The following TMEM39A variants were observed in gnomAD, a reference collection of about 807,000 sequenced individuals.
The protein encoded by TMEM39A is suppressor of SQST-1 aggregates in rpl-43 mutants.
Under a neutral mutation model 51.9 loss-of-function variants are expected in TMEM39A, and 19 were observed. The ratio of observed to expected loss-of-function variants is 0.37; its 90% confidence interval spans 0.26 to 0.54. The LOEUF (loss-of-function observed/expected upper bound fraction) is 0.54. TMEM39A is among the 20% of genes least tolerant of loss of function. TMEM39A has a pLI of 0.88. For synonymous variants in TMEM39A, 197 were observed against 220.2 expected (o/e 0.89, Z 0.93); for missense variants, 433 against 590.5 (o/e 0.73, Z 2.76).
intron 5 of TMEM39A, among the ~76,000 whole-genome samples, chr3:119,439,806 C>T (rs2081026206): frequency 6.6e-6 from 1 of 151,646 alleles, no homozygotes; most frequent in Non-Finnish European, 1.5e-5. Context: ...CTTACTCTGT[C>T]ACCCAGACTG....
In TMEM39A at chr3:119,431,450, G is replaced by C; in HGVS notation, c.*531C>G. Reference sequence around the variant, plus strand: ...ATAGACCAGCTGAGTCCGTATCTTAGAAAGGAAGCCTACTGCTTTCTCCTG... The same window carrying C: ...ATAGACCAGCTGAGTCCGTATCTTACAAAGGAAGCCTACTGCTTTCTCCTG... On this transcript the variant is annotated 3_prime_UTR_variant, in exon 9 of 9. Coordinates refer to ENST00000319172, the MANE Select transcript of TMEM39A (RefSeq NM_018266.3). 6.6e-6 allele frequency: 1 copy of C among 152,226 alleles called. No homozygotes were observed. Among genetic ancestry groups the C allele is most frequent in the East Asian group, 1.9e-4 (1 of 5,206 alleles). 9.4% of individuals were successfully genotyped at this position (152,226 alleles called of 1,614,324 possible).
At chr3:119,451,848 A>G (rs2081204304) in intron 4 of TMEM39A, among the ~76,000 whole-genome samples, 1 of 151,246 alleles carries the variant, frequency 6.6e-6, no homozygotes, top group Non-Finnish European at 1.5e-5. Flanking sequence ...AAAAAAAAAA[A>G]AAAAGGAAAG....
chr3:119,456,147 TAGTG>T (rs942903877), intron 3 of TMEM39A, among the ~76,000 whole-genome samples: 30 of 152,232 alleles, frequency 2.0e-4, no homozygotes, highest in Middle Eastern at 3.2e-3. Context: ...ACTGTTAAGA[TAGTG>T]AGTATTTATT....
intron 5 of TMEM39A, among the ~76,000 whole-genome samples, chr3:119,445,484 C>T (rs1340026381): frequency 3.9e-5 from 6 of 152,138 alleles, no homozygotes; most frequent in Non-Finnish European, 8.8e-5. Context: ...AGGCTGGTCT[C>T]GAACTACTAA....
intron 4 of TMEM39A, among the ~76,000 whole-genome samples, chr3:119,449,281 A>G (rs887239970): frequency 1.3e-5 from 2 of 152,170 alleles, no homozygotes; most frequent in African/African-American, 4.8e-5. Flanking sequence ...ATATAGCAAA[A>G]TGTGGTCTTT....
intron 3 of TMEM39A, among the ~76,000 whole-genome samples, chr3:119,456,592 C>T (rs1213069872): frequency 6.6e-6 from 1 of 151,788 alleles, no homozygotes; most frequent in African/African-American, 2.4e-5. Context: ...TAGAGCCTAT[C>T]TCTATCACTC....
At chr3:119,436,601 G>C in intron 7 of TMEM39A, 190 bp downstream of exon 7, 1 of 578,810 alleles carries the variant, frequency 1.7e-6, no homozygotes, top group Non-Finnish European at 3.0e-6. Context: ...CGCATTTAAG[G>C]AGCTGGGGTG....
At chr3:119,445,050 C>T (rs896044229) in intron 5 of TMEM39A, among the ~76,000 whole-genome samples, 60 of 151,780 alleles carry the variant, frequency 4.0e-4, no homozygotes, top group African/African-American at 1.4e-3. Context: ...ACTGCACTCC[C>T]GCCTGGATGA....
At chr3:119,460,332 G>A (rs79600093) in intron 2 of TMEM39A, among the ~76,000 whole-genome samples, 20,103 of 151,864 alleles carry the variant, frequency 0.13, 1,425 homozygotes, top group South Asian at 0.18. Flanking sequence ...GTCAAGAGCC[G>A]AGGTATTTTC....
chr3:119,451,388 A>C, intron 4 of TMEM39A: 4 of 867,762 alleles, frequency 4.6e-6, no homozygotes, highest in Non-Finnish European at 4.9e-6. Flanking sequence ...ATTCATTTAA[A>C]ATTTCACACT....
intron 5 of TMEM39A, among the ~76,000 whole-genome samples, chr3:119,446,417 A>G (rs976271448): frequency 6.6e-6 from 1 of 152,248 alleles, no homozygotes; most frequent in Non-Finnish European, 1.5e-5. Context: ...CATGGTGGAC[A>G]AAGAGATGAT....
chr3:119,443,143 A>T (rs2107670070), intron 5 of TMEM39A, among the ~76,000 whole-genome samples: 1 of 151,752 alleles, frequency 6.6e-6, no homozygotes, highest in South Asian at 2.1e-4. Context: ...ACGGATAAGG[A>T]GCTGCTTCTT....
chr3:119,444,260 A>T (rs1235016918), intron 5 of TMEM39A, among the ~76,000 whole-genome samples: 1 of 152,250 alleles, frequency 6.6e-6, no homozygotes, highest in Non-Finnish European at 1.5e-5. Context: ...TTAGCCGTTC[A>T]AATCAGACAC....
intron 2 of TMEM39A, among the ~76,000 whole-genome samples, chr3:119,459,994 T>C (rs762424525): frequency 2.0e-5 from 3 of 152,152 alleles, no homozygotes; most frequent in Admixed American, 6.5e-5. Context: ...CCAGGTCTTT[T>C]ATAACAAATT....
intron 4 of TMEM39A, among the ~76,000 whole-genome samples, chr3:119,448,034 T>C (rs528347466): frequency 5.5e-4 from 84 of 152,334 alleles, no homozygotes; most frequent in African/African-American, 1.9e-3. Context: ...TCCTCACCTC[T>C]AATTTGCTTG....
In TMEM39A at chr3:119,452,443, T is replaced by C; in HGVS notation, c.420+4A>G. On this transcript the variant is annotated splice_donor_region_variant and intron_variant, in intron 4 of 8. Coordinates refer to ENST00000319172, the MANE Select transcript of TMEM39A (RefSeq NM_018266.3). Reference sequence around the variant, plus strand: ...GTGATAGAATATAGTCAATGAACTGTTACCTCTGAGATGAGAGCCCATACA... The same window carrying C: ...GTGATAGAATATAGTCAATGAACTGCTACCTCTGAGATGAGAGCCCATACA... 1 of 1,611,836 alleles carries C rather than the reference T, an allele frequency of 6.2e-7. No homozygotes were observed. The highest frequency in any genetic ancestry group is 8.5e-7 in the Non-Finnish European group (1 of 1,178,176).
chr3:119,449,466 T>C (rs538709049), intron 4 of TMEM39A, among the ~76,000 whole-genome samples: 31 of 151,772 alleles, frequency 2.0e-4, no homozygotes, highest in African/African-American at 7.5e-4. Context: ...CCCAGCTACT[T>C]GGGAGGCCGA....
At chr3:119,452,383 C>T in intron 4 of TMEM39A, 64 bp downstream of exon 4, 2 of 1,299,956 alleles carry the variant, frequency 1.5e-6, no homozygotes, top group Non-Finnish European at 2.2e-6. Flanking sequence ...ACGTTTTTAA[C>T]CTGCACCCAT....
intron 5 of TMEM39A, among the ~76,000 whole-genome samples, chr3:119,442,695 T>C (rs1257516896): frequency 6.6e-6 from 1 of 152,126 alleles, no homozygotes; most frequent in Non-Finnish European, 1.5e-5. Flanking sequence ...TGGATGACTT[T>C]GAGAGGTTCA....
Sources: gnomAD v4.1 joint callset for allele counts (sites outside exome capture counted in the v4.1 genomes callset) on GRCh38, gnomAD v4.1.1 for gene constraint, MANE v1.5 for transcripts, NCBI Gene and HGNC (gene_info 2026-07-23, HGNC 2026-07-21) for gene names.